The following FOCAD variants were observed in gnomAD, a reference collection of about 807,000 sequenced individuals.
FOCAD encodes the protein KIAA1797.
A neutral mutation model predicts 225.6 loss-of-function variants in FOCAD; 198 were observed. That is an observed-to-expected ratio of 0.88 (90% CI 0.78 to 0.99). The LOEUF is 0.99. FOCAD is among the 50% of genes least tolerant of loss of function. The pLI is 0.00. For missense variants in FOCAD, 2,713 were observed against 2,123.6 expected (o/e 1.28, Z -5.46); for synonymous variants, 897 against 755.0 (o/e 1.19, Z -3.08).
intron 27 of FOCAD, among the ~76,000 whole-genome samples, chr9:20,931,919 A>AG (rs71496863): frequency 2.5e-5 from 3 of 118,950 alleles, no homozygotes; most frequent in African/African-American, 8.9e-5. Context: ...AAAAAAAAAA[A>AG]GGGGGGGAGA....
intron 2 of FOCAD, among the ~76,000 whole-genome samples, chr9:20,662,545 G>C (rs1001149157): frequency 1.3e-5 from 2 of 152,122 alleles, no homozygotes; most frequent in Non-Finnish European, 2.9e-5. Context: ...TCTGGTTTCA[G>C]CTTTTTTCCT....
At chr9:20,791,472 A>G (rs190835897) in intron 11 of FOCAD, among the ~76,000 whole-genome samples, 17 of 152,228 alleles carry the variant, frequency 1.1e-4, no homozygotes, top group East Asian at 1.9e-4. Context: ...AACATTTATC[A>G]TTTTTGTGTG....
chr9:20,730,837 C>T (rs1826625803), intron 4 of FOCAD, among the ~76,000 whole-genome samples: 1 of 152,072 alleles, frequency 6.6e-6, no homozygotes, highest in Non-Finnish European at 1.5e-5. Flanking sequence ...ATATTTCTCT[C>T]TTACTTTTCT....
chr9:20,935,614 G>T (rs974646871), intron 28 of FOCAD, among the ~76,000 whole-genome samples: 3 of 152,156 alleles, frequency 2.0e-5, no homozygotes, highest in South Asian at 2.1e-4. Context: ...GGTCAGGCTG[G>T]TCTCAAACTC....
intron 27 of FOCAD, among the ~76,000 whole-genome samples, chr9:20,931,896 C>T (rs1201988422): frequency 1.1e-5 from 1 of 90,272 alleles, no homozygotes; most frequent in Non-Finnish European, 2.1e-5. Flanking sequence ...ATGCAAGACT[C>T]TATCTCAAAA....
At chr9:20,943,900 T>C (rs1836916257) in intron 28 of FOCAD, among the ~76,000 whole-genome samples, 1 of 152,232 alleles carries the variant, frequency 6.6e-6, no homozygotes, top group Non-Finnish European at 1.5e-5. Context: ...AGAACAATTA[T>C]TTTCTTTAAA....
intron 1 of FOCAD, among the ~76,000 whole-genome samples, chr9:20,695,579 G>A (rs1823303470): frequency 6.6e-6 from 1 of 152,044 alleles, no homozygotes; most frequent in Admixed American, 6.6e-5. Flanking sequence ...TTGAACATTT[G>A]ACATAAAGCT....
chr9:20,707,178 A>G (rs890086902), intron 1 of FOCAD, among the ~76,000 whole-genome samples: 6 of 152,202 alleles, frequency 3.9e-5, no homozygotes, highest in African/African-American at 1.4e-4. Flanking sequence ...TTCTCTGATT[A>G]TAATATTGAC....
In FOCAD at chr9:20,752,160, T is replaced by A. The variant is rs908539849; in HGVS notation, c.393-5930T>A. ...TTTGCTGTGCAGAAGCTCTTTAGTTTAATTAGATCCCATTTGTCAATTTTG... is the reference window on the plus strand; with the variant it reads ...TTTGCTGTGCAGAAGCTCTTTAGTTAAATTAGATCCCATTTGTCAATTTTG... On this transcript the variant is annotated intron_variant, in intron 5 of 43. Transcript: ENST00000338382. Among the ~76,000 whole-genome samples the A allele has an allele frequency of 3.3e-5, 5 of 151,028 alleles. 1 individual carries two copies. Among genetic ancestry groups the A allele is most frequent in the African/African-American group, 1.2e-4 (5 of 40,926 alleles).
At chr9:20,939,366 A>C (rs188726252) in intron 28 of FOCAD, among the ~76,000 whole-genome samples, 8 of 152,160 alleles carry the variant, frequency 5.3e-5, no homozygotes, top group Non-Finnish European at 1.0e-4. Flanking sequence ...GTCTCTTTCC[A>C]TCCCTCCTGC....
intron 11 of FOCAD, among the ~76,000 whole-genome samples, chr9:20,795,041 G>A (rs1160877611): frequency 6.6e-6 from 1 of 152,132 alleles, no homozygotes; most frequent in Non-Finnish European, 1.5e-5. Flanking sequence ...AATTGTTTAT[G>A]TAAAATATAA....
chr9:20,757,978 C>A, intron 5 of FOCAD, 112 bp from the exon 6 acceptor site: 3 of 518,134 alleles, frequency 5.8e-6, no homozygotes, highest in Non-Finnish European at 1.0e-5. Flanking sequence ...AATTATGAAT[C>A]GTGAAAAAAG....
At chr9:20,872,452 G>T (rs1342306965) in intron 18 of FOCAD, among the ~76,000 whole-genome samples, 1 of 151,868 alleles carries the variant, frequency 6.6e-6, no homozygotes, top group Non-Finnish European at 1.5e-5. Context: ...AGCACTTTAA[G>T]GTTCCTCTGG....
intron 2 of FOCAD, among the ~76,000 whole-genome samples, chr9:20,716,730 G>T (rs1311068343): frequency 3.3e-5 from 5 of 151,840 alleles, no homozygotes; most frequent in African/African-American, 1.2e-4. Context: ...TTTTTTTTCA[G>T]ATTTTAACAT....
At chr9:20,792,015 C>T (rs1181612571) in intron 11 of FOCAD, among the ~76,000 whole-genome samples, 2 of 152,120 alleles carry the variant, frequency 1.3e-5, no homozygotes, top group Non-Finnish European at 2.9e-5. Context: ...GCTCAGGCTG[C>T]CTGAAGTCTC....
chr9:20,802,792 T>G (rs189527266), intron 11 of FOCAD, among the ~76,000 whole-genome samples: 2 of 152,244 alleles, frequency 1.3e-5, no homozygotes, highest in East Asian at 3.9e-4. Context: ...AAGCAGGTGT[T>G]GAAGCTACTG....
intron 1 of FOCAD, among the ~76,000 whole-genome samples, chr9:20,690,956 T>C (rs1239992273): frequency 1.3e-5 from 2 of 151,952 alleles, no homozygotes; most frequent in Admixed American, 6.6e-5. Context: ...TTTATTTTTA[T>C]TTTTGAGACA....
In FOCAD at chr9:20,764,962, A is replaced by C; in HGVS notation, c.588A>C (p.Leu196=). The C allele has an allele frequency of 1.9e-6, 3 of 1,614,136 alleles. No homozygotes were observed. Among genetic ancestry groups the C allele is most frequent in the Non-Finnish European group, 2.5e-6 (3 of 1,180,014 alleles). Reference sequence around the variant, plus strand: ...TACAAGAATATGCTAAACTCCGACTAGCCCTGCTGAAAGTCTTACTTCAAC... The same window carrying C: ...TACAAGAATATGCTAAACTCCGACTCGCCCTGCTGAAAGTCTTACTTCAAC... ...SQLQEYAKLR[L]ALLKVLLQPQ... The change falls in exon 7 of 44, where the codon CTA becomes CTC. Residue 196 remains leucine, a synonymous_variant. Transcript: ENST00000338382.
Position 20,723,200 on chromosome 9 carries a change from T to G in FOCAD, c.287+2666T>G, listed in dbSNP as rs557828206. ...GTTATTTTTAAATTTAAAAATGTGT[T>G]TTTTGGGTGAGGTGCGGTGACTCAT... On this transcript the variant is annotated intron_variant, in intron 4 of 43. Coordinates refer to ENST00000338382, the MANE Select transcript of FOCAD (RefSeq NM_001375567.1). Among the ~76,000 whole-genome samples the G allele has an allele frequency of 2.0e-5, 3 of 152,302 alleles. No homozygotes were observed. The South Asian group carries it at 6.2e-4, about 32-fold the overall frequency.
Sources: gnomAD v4.1 joint callset for allele counts (sites outside exome capture counted in the v4.1 genomes callset) on GRCh38, gnomAD v4.1.1 for gene constraint, MANE v1.5 for transcripts, NCBI Gene and HGNC (gene_info 2026-07-23, HGNC 2026-07-21) for gene names.